The following PPP2R5E variants were observed in gnomAD, a reference collection of about 807,000 sequenced individuals.
The protein encoded by PPP2R5E is protein phosphatase 2 regulatory subunit B'epsilon, also known as serine/threonine-protein phosphatase 2A 56 kDa regulatory subunit epsilon isoform.
In PPP2R5E, 4 loss-of-function variants were observed where a neutral mutation model predicts 65.3. The observed-to-expected ratio is 0.06, with a 90% CI of 0.03 to 0.14. The LOEUF (loss-of-function observed/expected upper bound fraction) is 0.14. Among genes scored for constraint, PPP2R5E ranks in the 10% least tolerant of loss-of-function variants. The pLI is 1.00. For synonymous variants in PPP2R5E, 183 were observed against 187.4 expected, an observed-to-expected ratio of 0.98 and a Z score of 0.19; for missense variants, 274 against 556.1, an observed-to-expected ratio of 0.49 and a Z score of 5.10.
rs149568453 is a variant in PPP2R5E, at chr14:63,436,553, A to G, written c.355-14459T>C. On this transcript the variant is annotated intron_variant, in intron 3 of 13. Transcript: ENST00000337537. ...AAACACACCTGACCTACATATAACC[A>G]TAACCATATAACCATATTTAGCACA... Among the ~76,000 whole-genome samples, 657 of 152,342 alleles carry G rather than the reference A, an allele frequency of 4.3e-3. 5 individuals are homozygous for G. Among genetic ancestry groups the G allele is most frequent in the Middle Eastern group, 0.024 (7 of 294 alleles).
At chr14:63,500,386 T>C (rs1419878891) in intron 2 of PPP2R5E, among the ~76,000 whole-genome samples, 1 of 152,206 alleles carries the variant, frequency 6.6e-6, no homozygotes, top group Non-Finnish European at 1.5e-5. Context: ...CAATGCCAAA[T>C]GCTGCAGTTC....
chr14:63,539,473 T>C (rs1893798933), intron 2 of PPP2R5E, 56 bp downstream of exon 2: 30 of 1,542,372 alleles, frequency 1.9e-5, no homozygotes, highest in Non-Finnish European at 2.4e-5. Flanking sequence ...GGAAATTATA[T>C]ATAGATGTAG....
intron 2 of PPP2R5E, among the ~76,000 whole-genome samples, chr14:63,473,535 C>T (rs1004791110): frequency 6.6e-6 from 1 of 152,170 alleles, no homozygotes; most frequent in East Asian, 1.9e-4. Flanking sequence ...CCAGTGCTAA[C>T]AGTGTACTAA....
intron 2 of PPP2R5E, among the ~76,000 whole-genome samples, chr14:63,502,247 C>A (rs17101253): frequency 0.024 from 3,674 of 152,098 alleles, 153 homozygotes; most frequent in African/African-American, 0.084. Flanking sequence ...CAGAGGGCAC[C>A]AGACTTAGAG....
At chr14:63,478,145 G>C (rs11158492) in intron 2 of PPP2R5E, among the ~76,000 whole-genome samples, 1 of 151,964 alleles carries the variant, frequency 6.6e-6, no homozygotes, top group Non-Finnish European at 1.5e-5. Context: ...CTATCCTGTA[G>C]AACTGAAAAC....
intron 2 of PPP2R5E, among the ~76,000 whole-genome samples, chr14:63,511,908 A>G (rs1892468849): frequency 6.6e-6 from 1 of 151,848 alleles, no homozygotes; most frequent in Non-Finnish European, 1.5e-5. Flanking sequence ...GTGAAACCCC[A>G]TCTCTACTAA....
At chr14:63,485,601 A>G (rs995884230) in intron 2 of PPP2R5E, among the ~76,000 whole-genome samples, 1 of 151,166 alleles carries the variant, frequency 6.6e-6, no homozygotes, top group Non-Finnish European at 1.5e-5. Context: ...TTTAGTAGAG[A>G]CGGGGTTTCT....
chr14:63,403,410 A>G lies in PPP2R5E; in HGVS notation c.550-6694T>C, dbSNP rs894480360. 4.2e-5 allele frequency among the ~76,000 whole-genome samples: 6 copies of G among 143,040 alleles called. No individual in the cohort carries two copies. In the East Asian group the frequency reaches 1.2e-3, roughly 29 times the overall value. The allele number at this position is 143,040 out of a possible 152,430, so 93.8% of individuals were successfully genotyped here. A position where few individuals can be genotyped will look rare whatever the true frequency, so the allele number is the denominator to read the frequency against. On this transcript the variant is annotated intron_variant, in intron 5 of 13. Coordinates refer to ENST00000337537, the MANE Select transcript of PPP2R5E (RefSeq NM_006246.5). ...CTCAAAAAAAAAAAAAAAAAAAAAA[A>G]TGTAGGCAGAATAAAGACGTTTTCA...
At position 63,498,611 on chromosome 14, in the gene PPP2R5E, G is replaced by A. The variant is rs78047878; in HGVS notation, c.157+40918C>T. ...CTCACTCTGTCACCCAGGCTGGAGC[G>A]AGATGGCACAAACATGGCTTACTGC... On this transcript the variant is annotated intron_variant, in intron 2 of 13. Transcript: ENST00000337537. 6.8e-4 allele frequency among the ~76,000 whole-genome samples: 103 copies of A among 151,778 alleles called. No individual in the cohort carries two copies. In the East Asian group the frequency reaches 0.013, roughly 19 times the overall value.
intron 3 of PPP2R5E, among the ~76,000 whole-genome samples, chr14:63,428,337 A>G (rs571893097): frequency 2.7e-4 from 41 of 152,252 alleles, no homozygotes; most frequent in Non-Finnish European, 5.0e-4. Flanking sequence ...AATAGAACTC[A>G]GGACACTGGT....
intron 2 of PPP2R5E, among the ~76,000 whole-genome samples, chr14:63,462,063 T>C (rs1217675981): frequency 2.1e-5 from 3 of 144,534 alleles, no homozygotes; most frequent in African/African-American, 8.3e-5. Flanking sequence ...ACAGTACCGA[T>C]TTCAACTGTA....
intron 2 of PPP2R5E, among the ~76,000 whole-genome samples, chr14:63,530,831 G>A (rs554961737): frequency 1.9e-4 from 29 of 151,548 alleles, no homozygotes; most frequent in African/African-American, 4.4e-4. Flanking sequence ...TGGCCTGGCT[G>A]GTATCAAATT....
At chr14:63,508,122 C>A in intron 2 of PPP2R5E, 1 of 984,136 alleles carries the variant, frequency 1.0e-6, no homozygotes, top group Non-Finnish European at 1.2e-6. Context: ...CACTTCTACA[C>A]ACACGAGTGT....
chr14:63,431,065 C>T (rs1259697546), intron 3 of PPP2R5E, among the ~76,000 whole-genome samples: 1 of 152,084 alleles, frequency 6.6e-6, no homozygotes, highest in Non-Finnish European at 1.5e-5. Flanking sequence ...ATCAAGAAAT[C>T]GAGACCATCC....
chr14:63,473,874 G>A (rs8004628), intron 2 of PPP2R5E, among the ~76,000 whole-genome samples: 1,741 of 152,266 alleles, frequency 0.011, 16 homozygotes, highest in Admixed American at 0.019. Flanking sequence ...AAGGTGAAAA[G>A]AAAATAGTGA....
At chr14:63,454,296 G>A (rs1889005561) in intron 2 of PPP2R5E, among the ~76,000 whole-genome samples, 1 of 152,214 alleles carries the variant, frequency 6.6e-6, no homozygotes, top group African/African-American at 2.4e-5. Context: ...AAGCAGAAAT[G>A]TCAGTTGATT....
intron 2 of PPP2R5E, among the ~76,000 whole-genome samples, chr14:63,512,479 G>A (rs1892505154): frequency 6.6e-6 from 1 of 152,178 alleles, no homozygotes. Flanking sequence ...GATCACCAAT[G>A]TTTATAGATA....
At chr14:63,479,383 G>A (rs2139589039) in intron 2 of PPP2R5E, 1 of 152,082 alleles carries the variant, frequency 6.6e-6, no homozygotes, top group African/African-American at 2.4e-5. Context: ...GCCACGTGCT[G>A]GACAGCCTTG....
At chr14:63,481,576 CATTT>C (rs1271924039) in intron 2 of PPP2R5E, among the ~76,000 whole-genome samples, 1 of 151,300 alleles carries the variant, frequency 6.6e-6, no homozygotes, top group Non-Finnish European at 1.5e-5. Flanking sequence ...ATGAAGAGCT[CATTT>C]ATTTAATTTA....
Sources: gnomAD v4.1 joint callset for allele counts (sites outside exome capture counted in the v4.1 genomes callset) on GRCh38, gnomAD v4.1.1 for gene constraint, MANE v1.5 for transcripts, NCBI Gene and HGNC (gene_info 2026-07-23, HGNC 2026-07-21) for gene names.